ACSL5: variants seen among roughly 807,000 people sequenced by gnomAD.
ACSL5 encodes long-chain-fatty-acid--CoA ligase 5.
A neutral mutation model predicts 84.9 loss-of-function variants in ACSL5; 50 were observed. That is an observed-to-expected ratio of 0.59 (90% confidence interval 0.47 to 0.75). The LOEUF (loss-of-function observed/expected upper bound fraction) is 0.75. Among genes scored for constraint, ACSL5 ranks in the 30% least tolerant of loss-of-function variants. The pLI, the probability that ACSL5 is intolerant of heterozygous loss-of-function variation, is 0.00. For synonymous variants in ACSL5, 280 were observed against 300.7 expected (o/e 0.93, Z 0.71); for missense variants, 775 against 830.4 (o/e 0.93, Z 0.82).
intron 19 of ACSL5, chr10:112,426,561 A>G (rs935937582): frequency 3.2e-6 from 2 of 620,934 alleles, no homozygotes; most frequent in Non-Finnish European, 5.6e-6. Flanking sequence ...GTGGGAAAAG[A>G]TTGGGAAAGA....
In ACSL5 at chr10:112,417,852, C is replaced by G; in HGVS notation, c.1225C>G (p.Leu409Val). ...TTTTGTTTCCACTGAACAGGACAGC[C>G]TGGGCGGAAGGGTTCGTGTAATTGT... The part of the protein sequence containing the change: ...KLIFAKIQDS[L>V]GGRVRVIVTG... The change falls in exon 14 of 21, where the codon CTG becomes GTG. Residue 409 changes from leucine (L) to valine (V), a missense_variant. By Grantham distance (32) the Leu-to-Val change is conservative (BLOSUM62 1). Transcript: ENST00000354655. 6.2e-7 allele frequency: 1 copy of G among 1,614,054 alleles called. No homozygotes were observed.
chr10:112,422,348 G>A lies in ACSL5; in HGVS notation c.1500G>A (p.Val500=). ...EGEVCIKGTN[V]FKGYLKDPEK... is the part of the protein sequence containing the mutation. ...AGGTCTGCATCAAGGGTACAAACGT[G>A]TTCAAAGGATACCTGAAGGACCCTG... Residue 500 remains valine (V), a synonymous_variant, in exon 17 of 21, where the codon GTG becomes GTA. Transcript: ENST00000354655. 1.2e-6 allele frequency: 2 copies of A among 1,614,152 alleles called. No individual in the cohort carries two copies. Among genetic ancestry groups the A allele is most frequent in the South Asian group, 1.1e-5 (1 of 91,084 alleles).
intron 1 of ACSL5, among the ~76,000 whole-genome samples, chr10:112,392,538 G>A (rs923133035): frequency 3.3e-5 from 5 of 152,186 alleles, no homozygotes; most frequent in East Asian, 1.9e-4. Flanking sequence ...TCAGGAGATC[G>A]AGACCATCCT....
At chr10:112,384,337 G>A (rs1849408609) in intron 1 of ACSL5, among the ~76,000 whole-genome samples, 1 of 152,066 alleles carries the variant, frequency 6.6e-6, no homozygotes, top group South Asian at 2.1e-4. Flanking sequence ...GCAATCTCAC[G>A]AGGGCAGGGT....
chr10:112,422,353 A>T lies in ACSL5; in HGVS notation c.1505A>T (p.Lys502Ile), dbSNP rs1166105290. The change falls in exon 17 of 21, where the codon AAA becomes ATA. Residue 502 changes from lysine to isoleucine, a missense_variant. Lys to Ile is a moderately radical substitution (Grantham distance 102). Coordinates refer to ENST00000354655, the MANE Select transcript of ACSL5 (RefSeq NM_203379.2). ...TGCATCAAGGGTACAAACGTGTTCAAAGGATACCTGAAGGACCCTGAGAAG... is the reference window on the plus strand; with the variant it reads ...TGCATCAAGGGTACAAACGTGTTCATAGGATACCTGAAGGACCCTGAGAAG... ...EVCIKGTNVFKGYLKDPEKTQ... is the reference protein window; with the variant it reads ...EVCIKGTNVFIGYLKDPEKTQ... 2 of 1,614,056 alleles carry T rather than the reference A, an allele frequency of 1.2e-6. No homozygotes were observed. The highest frequency in any genetic ancestry group is 3.3e-5 in the Admixed American group (2 of 60,006).
At chr10:112,389,683 G>A (rs868169189) in intron 1 of ACSL5, among the ~76,000 whole-genome samples, 3 of 152,184 alleles carry the variant, frequency 2.0e-5, no homozygotes, top group Non-Finnish European at 4.4e-5. Context: ...CACACAGGAC[G>A]TGTGACAAAA....
chr10:112,401,285 A>G (rs1843881801), intron 3 of ACSL5, among the ~76,000 whole-genome samples: 1 of 152,220 alleles, frequency 6.6e-6, no homozygotes, highest in African/African-American at 2.4e-5. Flanking sequence ...CTTAGCTAGT[A>G]GTTTGTTTAT....
intron 17 of ACSL5, among the ~76,000 whole-genome samples, chr10:112,423,363 T>TAAA (rs1407824727): frequency 6.8e-6 from 1 of 148,118 alleles, no homozygotes; most frequent in Admixed American, 6.9e-5. Context: ...AAGTCTTTCT[T>TAAA]AAAAAAAAAT....
chr10:112,401,786 C>CTCTTCCTT (rs1554862685), intron 3 of ACSL5, among the ~76,000 whole-genome samples: 131 of 119,478 alleles, frequency 1.1e-3, no homozygotes, highest in African/African-American at 4.5e-3. Context: ...TTCTTTCTTT[C>CTCTTCCTT]TCTTTCTTTC....
At position 112,425,365 on chromosome 10, in the gene ACSL5, A is replaced by G; in HGVS notation, c.1621A>G (p.Lys541Glu). 1 of 1,613,390 alleles carries G rather than the reference A, an allele frequency of 6.2e-7. No individual in the cohort carries two copies. Among genetic ancestry groups the G allele is most frequent in the Non-Finnish European group, 8.5e-7 (1 of 1,179,678 alleles). Reference sequence around the variant, plus strand: ...TGGAACTCTGAAGATCATCGACCGTAAAAAGAACATTTTCAAGCTGGCCCA... The same window carrying G: ...TGGAACTCTGAAGATCATCGACCGTGAAAAGAACATTTTCAAGCTGGCCCA... ...PNGTLKIIDR[K>E]KNIFKLAQGE... The change falls in exon 18 of 21, where the codon AAA becomes GAA. Residue 541 changes from lysine (K) to glutamate (E), a missense_variant. Transcript: ENST00000354655.
chr10:112,411,787 C>A (rs1018876669), intron 10 of ACSL5, 115 bp from the exon 11 acceptor site: 5 of 997,354 alleles, frequency 5.0e-6, no homozygotes, highest in Non-Finnish European at 7.8e-6. Flanking sequence ...CACAGTGTAC[C>A]GCCTATACAG....
intron 5 of ACSL5, among the ~76,000 whole-genome samples, chr10:112,407,249 G>A (rs1311233115): frequency 2.6e-5 from 4 of 151,964 alleles, no homozygotes. Context: ...TTGTGAGACG[G>A]AGTTTCACTC....
chr10:112,391,976 G>A (rs1276801703), intron 1 of ACSL5, among the ~76,000 whole-genome samples: 4 of 152,122 alleles, frequency 2.6e-5, no homozygotes, highest in African/African-American at 9.7e-5. Context: ...CACCACAACT[G>A]AACAGAAATT....
At chr10:112,419,342 T>G (rs1200276871) in intron 14 of ACSL5, 1 of 152,194 alleles carries the variant, frequency 6.6e-6, no homozygotes, top group Non-Finnish European at 1.5e-5. Flanking sequence ...CATGTATATT[T>G]TATCCATGAA....
At chr10:112,409,264 G>C (rs1437397836) in intron 6 of ACSL5, 1 of 451,388 alleles carries the variant, frequency 2.2e-6, no homozygotes, top group Non-Finnish European at 3.9e-6. Context: ...AAGGAATTCT[G>C]TGGTTCCTCT....
At chr10:112,390,685 TA>T (rs1849542423) in intron 1 of ACSL5, among the ~76,000 whole-genome samples, 2 of 151,968 alleles carry the variant, frequency 1.3e-5, no homozygotes, top group Non-Finnish European at 2.9e-5. Context: ...GATAGATAGA[TA>T]GATAGATAGA....
rs191522573 is a variant in ACSL5, at chr10:112,420,537, C to A, written c.1315-1056C>A. Among the ~76,000 whole-genome samples, 25 of 152,162 alleles carry A rather than the reference C, an allele frequency of 1.6e-4. No homozygotes were observed. The East Asian group carries it at 4.6e-3, about 28-fold the overall frequency. Reference sequence around the variant, plus strand: ...GGCCTGTACAGATAAAGTTTGCCCACCCTTGTTTTATATCATAGTGGGGGC... The same window carrying A: ...GGCCTGTACAGATAAAGTTTGCCCAACCTTGTTTTATATCATAGTGGGGGC... On this transcript the variant is annotated intron_variant, in intron 14 of 20. Coordinates refer to ENST00000354655, the MANE Select transcript of ACSL5 (RefSeq NM_203379.2).
chr10:112,389,943 T>A (rs1056378425), intron 1 of ACSL5, among the ~76,000 whole-genome samples: 12 of 152,156 alleles, frequency 7.9e-5, no homozygotes, highest in African/African-American at 2.2e-4. Context: ...AAAAGGAGAC[T>A]ATACACCAGG....
intron 1 of ACSL5, among the ~76,000 whole-genome samples, chr10:112,390,788 T>C (rs1366370377): frequency 5.9e-5 from 9 of 152,282 alleles, no homozygotes; most frequent in African/African-American, 2.2e-4. Context: ...ATCTTAAAAA[T>C]TATACTATGT....
Sources: allele counts gnomAD v4.1 joint callset (sites outside exome capture counted in the v4.1 genomes callset), GRCh38; gene constraint gnomAD v4.1.1; transcripts MANE v1.5; gene names NCBI Gene and HGNC (gene_info 2026-07-23, HGNC 2026-07-21).